Variants in MDGA2 observed in about 807,000 individuals in gnomAD.
MDGA2 encodes the protein MAM domain-containing glycosylphosphatidylinositol anchor protein 2.
MDGA2 carries 40 observed loss-of-function variants against 117.8 expected under a neutral mutation model. The observed-to-expected ratio is 0.34, with a 90% CI of 0.26 to 0.44. MDGA2 has a LOEUF of 0.44. Ranked by LOEUF, MDGA2 falls within the 20% of genes least tolerant of loss-of-function variation. MDGA2 has a pLI of 1.00. For missense variants in MDGA2, 1,123 were observed against 1,250.6 expected (o/e 0.90, Z 1.54); for synonymous variants, 452 against 439.0 (o/e 1.03, Z -0.37).
At chr14:47,511,006 A>AG (rs1418004831) in intron 1 of MDGA2, among the ~76,000 whole-genome samples, 1 of 152,144 alleles carries the variant, frequency 6.6e-6, no homozygotes, top group Non-Finnish European at 1.5e-5. Flanking sequence ...GCCCTGTCTC[A>AG]ACTTTATTAT....
chr14:47,125,530 G>A (rs1383366586), intron 5 of MDGA2, among the ~76,000 whole-genome samples: 1 of 151,290 alleles, frequency 6.6e-6, no homozygotes, highest in East Asian at 1.9e-4. Flanking sequence ...GACGTTTCTT[G>A]ACCTCTATCT....
chr14:46,973,693 C>A (rs1363854717), intron 8 of MDGA2, among the ~76,000 whole-genome samples: 1 of 152,062 alleles, frequency 6.6e-6, no homozygotes, highest in Non-Finnish European at 1.5e-5. Context: ...GTTTCAGGTA[C>A]AATGAAACAA....
intron 2 of MDGA2, among the ~76,000 whole-genome samples, chr14:47,273,950 A>G (rs984434535): frequency 3.3e-5 from 5 of 152,140 alleles, no homozygotes; most frequent in East Asian, 1.9e-4. Flanking sequence ...ATATAAGCAC[A>G]AGCAACCAAA....
rs183058316 is a variant in MDGA2 at position 47,022,410 on chromosome 14, G to A, written c.1819+12601C>T. On this transcript the variant is annotated intron_variant, in intron 8 of 16. Coordinates refer to ENST00000399232, the MANE Select transcript of MDGA2 (RefSeq NM_001113498.3). ...AATAAACATTGAAAATGAAATAAATGAAAAACATAACCATATTTCAAATAA... is the reference window on the plus strand; with the variant it reads ...AATAAACATTGAAAATGAAATAAATAAAAAACATAACCATATTTCAAATAA... Among the ~76,000 whole-genome samples, 10 of 152,142 alleles carry A rather than the reference G, an allele frequency of 6.6e-5. No homozygotes were observed. The East Asian group carries it at 1.7e-3, about 26-fold the overall frequency.
chr14:46,950,194 A>C (rs1885319314), intron 9 of MDGA2, among the ~76,000 whole-genome samples: 6 of 151,914 alleles, frequency 3.9e-5, no homozygotes, highest in African/African-American at 1.5e-4. Context: ...TCATTAAGTG[A>C]TACTTACATT....
chr14:47,336,325 G>C (rs1215412740), intron 1 of MDGA2, among the ~76,000 whole-genome samples: 1 of 151,838 alleles, frequency 6.6e-6, no homozygotes, highest in African/African-American at 2.4e-5. Flanking sequence ...AGGAAGAATG[G>C]AATGAGAGAT....
chr14:47,675,020 G>T lies in MDGA2; in HGVS notation c.-224C>A. 1 of 240,726 alleles carries T rather than the reference G, an allele frequency of 4.2e-6. No homozygotes were observed. Among genetic ancestry groups the T allele is most frequent in the Non-Finnish European group, 7.8e-6 (1 of 127,706 alleles). 14.9% of individuals were successfully genotyped at this position (240,726 alleles called of 1,614,324 possible). Reference sequence around the variant, plus strand: ...GGCGGCGGCGGCGCGCTGGGCCGGCGGCGGGCGCGGGCAGGGGGCCGGGGG... The same window carrying T: ...GGCGGCGGCGGCGCGCTGGGCCGGCTGCGGGCGCGGGCAGGGGGCCGGGGG... On this transcript the variant is annotated 5_prime_UTR_variant, in exon 1 of 17. Transcript: ENST00000399232.
At chr14:47,184,773 C>T (rs1884845433) in intron 3 of MDGA2, among the ~76,000 whole-genome samples, 1 of 151,532 alleles carries the variant, frequency 6.6e-6, no homozygotes, top group Admixed American at 6.6e-5. Flanking sequence ...ACTTGTAGCA[C>T]ATAGAGGACT....
chr14:47,081,883 C>G (rs1890721440), intron 6 of MDGA2, among the ~76,000 whole-genome samples: 1 of 152,072 alleles, frequency 6.6e-6, no homozygotes, highest in South Asian at 2.1e-4. Context: ...TAAAATTATG[C>G]TACTGTTATC....
chr14:47,606,478 T>C (rs1234033559), intron 1 of MDGA2, among the ~76,000 whole-genome samples: 1 of 152,218 alleles, frequency 6.6e-6, no homozygotes. Flanking sequence ...GTATTTATTA[T>C]ATTTATCACA....
At chr14:47,463,182 T>A (rs1056049790) in intron 1 of MDGA2, among the ~76,000 whole-genome samples, 1 of 152,224 alleles carries the variant, frequency 6.6e-6, no homozygotes, top group African/African-American at 2.4e-5. Flanking sequence ...CAAATTTATA[T>A]CTCAAATTAA....
At chr14:47,132,559 C>A (rs958145643) in intron 4 of MDGA2, among the ~76,000 whole-genome samples, 1 of 151,588 alleles carries the variant, frequency 6.6e-6, no homozygotes, top group Non-Finnish European at 1.5e-5. Flanking sequence ...TCTTGATGAA[C>A]CAAGAAAGAC....
intron 1 of MDGA2, among the ~76,000 whole-genome samples, chr14:47,586,191 T>C (rs1362947125): frequency 6.6e-6 from 1 of 151,938 alleles, no homozygotes; most frequent in East Asian, 1.9e-4. Flanking sequence ...CCCTAAAGAA[T>C]TGGTGTATAG....
rs930806782 is a variant in MDGA2 at position 46,866,505 on chromosome 14, T to C, written c.2752+6928A>G. Reference sequence around the variant, plus strand: ...GGCAAGGACTTCATGTCTAAAACACTGAAAGCAATGGCAACCAAAGCCAAA... The same window carrying C: ...GGCAAGGACTTCATGTCTAAAACACCGAAAGCAATGGCAACCAAAGCCAAA... On this transcript the variant is annotated intron_variant, in intron 14 of 16. Coordinates refer to ENST00000399232, the MANE Select transcript of MDGA2 (RefSeq NM_001113498.3). Among the ~76,000 whole-genome samples the C allele has an allele frequency of 9.2e-5, 14 of 152,076 alleles. No homozygotes were observed. In the East Asian group the frequency reaches 1.4e-3, roughly 15 times the overall value.
At chr14:47,342,737 A>C (rs1379433561) in intron 1 of MDGA2, among the ~76,000 whole-genome samples, 1 of 152,174 alleles carries the variant, frequency 6.6e-6, no homozygotes, top group East Asian at 1.9e-4. Flanking sequence ...ATGGGTGCTC[A>C]ATTGAGGATA....
chr14:47,474,427 A>G (rs1363358511), intron 1 of MDGA2, among the ~76,000 whole-genome samples: 2 of 152,140 alleles, frequency 1.3e-5, no homozygotes, highest in African/African-American at 4.8e-5. Flanking sequence ...TATAGATTCA[A>G]TGCTATTCCC....
chr14:47,008,895 C>T (rs577588768), intron 8 of MDGA2, among the ~76,000 whole-genome samples: 1 of 151,958 alleles, frequency 6.6e-6, no homozygotes, highest in African/African-American at 2.4e-5. Context: ...GTTTATTTCT[C>T]CCTGAGCACA....
At chr14:47,498,962 A>C (rs1256841437) in intron 1 of MDGA2, among the ~76,000 whole-genome samples, 4 of 152,234 alleles carry the variant, frequency 2.6e-5, no homozygotes, top group African/African-American at 9.6e-5. Context: ...ATCATGTAGC[A>C]GGGAAGTAGT....
intron 3 of MDGA2, 108 bp from the exon 4 acceptor site, chr14:47,144,382 T>C: frequency 1.4e-6 from 1 of 690,838 alleles, no homozygotes; most frequent in East Asian, 2.8e-5. Flanking sequence ...TTGATTGTAT[T>C]ACTTACCACT....
Sources: allele counts gnomAD v4.1 joint callset (sites outside exome capture counted in the v4.1 genomes callset), GRCh38; gene constraint gnomAD v4.1.1; transcripts MANE v1.5; gene names NCBI Gene and HGNC (gene_info 2026-07-23, HGNC 2026-07-21).